Variants in HPSE2 observed in about 807,000 individuals in gnomAD.
The protein encoded by HPSE2 is heparanase 2 (inactive).
A neutral mutation model predicts 60.5 loss-of-function variants in HPSE2; 38 were observed. The ratio of observed to expected loss-of-function variants is 0.63; its 90% confidence interval spans 0.48 to 0.82. The LOEUF is 0.82. Ranked by LOEUF, HPSE2 falls within the 40% of genes least tolerant of loss-of-function variation. The pLI is 0.00. For missense variants in HPSE2, 713 were observed against 740.4 expected (o/e 0.96, Z 0.43); for synonymous variants, 295 against 293.2 (o/e 1.01, Z -0.06).
chr10:99,171,661 A>T (rs1361105920), intron 2 of HPSE2, among the ~76,000 whole-genome samples: 1 of 152,220 alleles, frequency 6.6e-6, no homozygotes, highest in Admixed American at 6.5e-5. Context: ...TAATAATCAG[A>T]GATGGCAATT....
intron 3 of HPSE2, among the ~76,000 whole-genome samples, chr10:98,821,779 T>A (rs529709640): frequency 2.4e-4 from 36 of 152,268 alleles, no homozygotes; most frequent in Admixed American, 3.3e-4. Context: ...CCCTCTGCCT[T>A]GGCTATAATC....
intron 3 of HPSE2, among the ~76,000 whole-genome samples, chr10:99,010,127 A>C (rs1323538136): frequency 6.6e-6 from 1 of 152,240 alleles, no homozygotes; most frequent in Non-Finnish European, 1.5e-5. Flanking sequence ...AGATTCTTTA[A>C]GGAATGAGAT....
At chr10:99,263,726 T>C in the HPSE2 span, among the ~76,000 whole-genome samples, 1 of 151,788 alleles carries the variant, frequency 6.6e-6, no homozygotes, top group African/African-American at 2.4e-5. Flanking sequence ...AGATGGTTCT[T>C]AGACCAAAAA....
At chr10:98,819,732 C>T (rs1951380232) in intron 3 of HPSE2, among the ~76,000 whole-genome samples, 1 of 152,092 alleles carries the variant, frequency 6.6e-6, no homozygotes, top group African/African-American at 2.4e-5. Context: ...GATAAAGACT[C>T]AAATTGACCC....
chr10:98,994,095 T>G (rs1402317333), intron 3 of HPSE2, among the ~76,000 whole-genome samples: 1 of 152,166 alleles, frequency 6.6e-6, no homozygotes, highest in South Asian at 2.1e-4. Context: ...CTGCCTGTAT[T>G]TAAACTCTTA....
intron 6 of HPSE2, among the ~76,000 whole-genome samples, chr10:98,690,319 T>C (rs1180982961): frequency 6.6e-6 from 1 of 152,140 alleles, no homozygotes; most frequent in Non-Finnish European, 1.5e-5. Context: ...GGCGGGTGGA[T>C]CACGAGGTCA....
chr10:98,997,976 G>A (rs1022060491), intron 3 of HPSE2, among the ~76,000 whole-genome samples: 11 of 152,308 alleles, frequency 7.2e-5, no homozygotes, highest in Admixed American at 7.2e-4. Flanking sequence ...CTCACAGAAG[G>A]TATGTCCCAC....
At chr10:99,197,525 A>T (rs1431163676) in intron 2 of HPSE2, among the ~76,000 whole-genome samples, 2 of 152,168 alleles carry the variant, frequency 1.3e-5, no homozygotes, top group East Asian at 3.9e-4. Flanking sequence ...AATAAAAATA[A>T]GAAAACAAAA....
At chr10:99,144,135 A>C in intron 3 of HPSE2, 103 bp downstream of exon 3, 1 of 1,149,714 alleles carries the variant, frequency 8.7e-7, no homozygotes, top group Non-Finnish European at 1.3e-6. Flanking sequence ...AGTCATCACA[A>C]TTTAAAAAGT....
intron 9 of HPSE2, among the ~76,000 whole-genome samples, chr10:98,561,756 G>A (rs749599583): frequency 3.9e-5 from 6 of 152,114 alleles, no homozygotes; most frequent in Admixed American, 6.5e-5. Flanking sequence ...GTTGAGGCAC[G>A]AGAATCACTT....
At chr10:99,266,465 C>T in the HPSE2 span, among the ~76,000 whole-genome samples, 3,066 of 152,096 alleles carry the variant, frequency 0.02, 110 homozygotes, top group East Asian at 0.15. Context: ...GAACAACACA[C>T]CCATCCCCCA....
chr10:99,306,095 T>C, the HPSE2 span, among the ~76,000 whole-genome samples: 1 of 147,422 alleles, frequency 6.8e-6, no homozygotes, highest in South Asian at 2.1e-4. Flanking sequence ...GGGAAAACAG[T>C]GCTAGAGACT....
chr10:98,694,006 T>A lies in HPSE2; in HGVS notation c.957-59A>T, dbSNP rs1005667682. 8.3e-6 allele frequency: 11 copies of A among 1,333,216 alleles called. No homozygotes were observed. In the Admixed American group the frequency reaches 1.0e-4, roughly 12 times the overall value. The allele number at this position is 1,333,216 out of a possible 1,614,324, so 82.6% of individuals were successfully genotyped here. A position where few individuals can be genotyped will look rare whatever the true frequency, so the allele number is the denominator to read the frequency against. ...CTTAGATTAAACCACATCCCCTAAATCAAAAGGAAATAAACTGAGACAGAT... is the reference window on the plus strand; with the variant it reads ...CTTAGATTAAACCACATCCCCTAAAACAAAAGGAAATAAACTGAGACAGAT... On this transcript the variant is annotated intron_variant, in intron 5 of 11. Coordinates refer to ENST00000370552, the MANE Select transcript of HPSE2 (RefSeq NM_021828.5).
intron 3 of HPSE2, among the ~76,000 whole-genome samples, chr10:98,946,016 C>G (rs573700937): frequency 1.3e-5 from 2 of 151,722 alleles, no homozygotes; most frequent in East Asian, 3.9e-4. Flanking sequence ...AGATTTGTGA[C>G]AATTTGAAAA....
chr10:98,797,626 G>A (rs1295445473), intron 3 of HPSE2, among the ~76,000 whole-genome samples: 12 of 151,894 alleles, frequency 7.9e-5, no homozygotes, highest in Non-Finnish European at 1.3e-4. Flanking sequence ...GGCAGATCAC[G>A]AGATCAGGCG....
intron 3 of HPSE2, among the ~76,000 whole-genome samples, chr10:98,789,568 T>C (rs1193137944): frequency 2.0e-5 from 3 of 152,208 alleles, no homozygotes; most frequent in African/African-American, 7.2e-5. Context: ...ACCCAAATAG[T>C]TGGACCTTTA....
chr10:98,569,714 G>A (rs1157506322), intron 9 of HPSE2, among the ~76,000 whole-genome samples: 1 of 151,990 alleles, frequency 6.6e-6, no homozygotes, highest in Non-Finnish European at 1.5e-5. Flanking sequence ...TGTTTTGCAC[G>A]GGACTAGGCC....
chr10:98,708,262 C>T (rs978865293), intron 5 of HPSE2, among the ~76,000 whole-genome samples: 1 of 152,052 alleles, frequency 6.6e-6, no homozygotes, highest in Non-Finnish European at 1.5e-5. Flanking sequence ...CAAGACTATC[C>T]TCACTAACAA....
intron 3 of HPSE2, among the ~76,000 whole-genome samples, chr10:98,993,538 TACTCTTC>T (rs1956575429): frequency 6.6e-6 from 1 of 152,222 alleles, no homozygotes; most frequent in Non-Finnish European, 1.5e-5. Flanking sequence ...TTTTTATTTT[TACTCTTC>T]ACTACCTCTT....
Sources: gnomAD v4.1 joint callset for allele counts (sites outside exome capture counted in the v4.1 genomes callset) on GRCh38, gnomAD v4.1.1 for gene constraint, MANE v1.5 for transcripts, NCBI Gene and HGNC (gene_info 2026-07-23, HGNC 2026-07-21) for gene names.